Variants in PRDM12 observed in about 807,000 individuals in gnomAD.
PRDM12 encodes the protein PR domain zinc finger protein 12.
In PRDM12, 17 loss-of-function variants were observed where a neutral mutation model predicts 29.6. That is an observed-to-expected ratio of 0.57 (90% CI 0.39 to 0.86). The LOEUF (loss-of-function observed/expected upper bound fraction) is 0.86, where lower values mean the gene tolerates loss of function less well. Among genes scored for constraint, PRDM12 ranks in the 40% least tolerant of loss-of-function variants. PRDM12 has a pLI of 0.00. For synonymous variants in PRDM12, 231 were observed against 225.8 expected (o/e 1.02, Z -0.21); for missense variants, 422 against 510.8 (o/e 0.83, Z 1.68).
At chr9:130,678,226 T>C (rs1366533964) in intron 3 of PRDM12, among the ~76,000 whole-genome samples, 1 of 151,768 alleles carries the variant, frequency 6.6e-6, no homozygotes, top group Non-Finnish European at 1.5e-5. Flanking sequence ...GTTTTCCATC[T>C]CCCATTACTT....
rs1342875443 is a variant in PRDM12 at position 130,680,657 on chromosome 9, ATATTT to A, written c.683-589_683-585del. On this transcript the variant is annotated intron_variant, in intron 4 of 4. Transcript: ENST00000253008. ...AAAATATATATATATATATATATATATATTTTTTTTTTTTTTAACTGATCCTTACC... is the reference window on the plus strand; with the variant it reads ...AAAATATATATATATATATATATATATTTTTTTTTTTAACTGATCCTTACC... Among the ~76,000 whole-genome samples the A allele has an allele frequency of 1.8e-4, 16 of 87,498 alleles. No individual in the cohort carries two copies. In the South Asian group the frequency reaches 3.7e-3, roughly 20 times the overall value. 57.4% of individuals were successfully genotyped at this position (87,498 alleles called of 152,430 possible). A position where few individuals can be genotyped will look rare whatever the true frequency, so the allele number is the denominator to read the frequency against.
intron 4 of PRDM12, among the ~76,000 whole-genome samples, chr9:130,679,018 G>A (rs541985372): frequency 3.6e-4 from 55 of 152,314 alleles, no homozygotes; most frequent in Non-Finnish European, 4.9e-4. Context: ...TTCCTCACCT[G>A]TAAAGGGAAG....
chr9:130,680,660 T>A (rs1588189545), intron 4 of PRDM12, among the ~76,000 whole-genome samples: 1 of 49,404 alleles, frequency 2.0e-5, no homozygotes, highest in South Asian at 6.2e-4. Context: ...TATATATATA[T>A]TTTTTTTTTT....
At chr9:130,666,150 G>C (rs1003424958) in intron 1 of PRDM12, among the ~76,000 whole-genome samples, 100 of 152,216 alleles carry the variant, frequency 6.6e-4, no homozygotes, top group Non-Finnish European at 2.9e-4. Context: ...CCAGTGCCCA[G>C]AGCCTGGACA....
chr9:130,680,494 G>T (rs1253748151), intron 4 of PRDM12, among the ~76,000 whole-genome samples: 1 of 150,580 alleles, frequency 6.6e-6, no homozygotes, highest in South Asian at 2.1e-4. Flanking sequence ...TTAGCTGGGC[G>T]TGGTGGTGCA....
At chr9:130,667,816 G>A (rs1243884060) in intron 2 of PRDM12, among the ~76,000 whole-genome samples, 1 of 152,194 alleles carries the variant, frequency 6.6e-6, no homozygotes, top group African/African-American at 2.4e-5. Flanking sequence ...GCCATGGGGA[G>A]CACCTCTGCA....
chr9:130,668,611 C>G lies in PRDM12; in HGVS notation c.570+298C>G, dbSNP rs1054378484. On this transcript the variant is annotated intron_variant, in intron 3 of 4. Coordinates refer to ENST00000253008, the MANE Select transcript of PRDM12 (RefSeq NM_021619.3). The surrounding 1 kb of genome is among the most constrained non-coding windows in gnomAD (Gnocchi z 4.0). ...CCATAGTGAGGTCCCCAGATGTTGG[C>G]TGACAGTTTCCTGAGGTTCAGGGGT... Among the ~76,000 whole-genome samples the G allele has an allele frequency of 2.0e-5, 3 of 152,200 alleles. No individual in the cohort carries two copies. Among genetic ancestry groups the G allele is most frequent in the Non-Finnish European group, 2.9e-5 (2 of 68,036 alleles).
At position 130,664,869 on chromosome 9, in the gene PRDM12, C is replaced by T. The variant is rs1328487482; in HGVS notation, c.216C>T (p.Phe72=). ...AFTAEVLAQS[F]SGEVQKLSSL... ...CCGCCGAGGTGCTGGCGCAGTCCTT[C>T]TCCGGCGGTGAGTCCAGCCGTCGGA... The change falls in exon 1 of 5, where the codon TTC becomes TTT. Residue 72 remains phenylalanine, a synonymous_variant. Coordinates refer to ENST00000253008, the MANE Select transcript of PRDM12 (RefSeq NM_021619.3). This position sits in a 1 kb window ranked among gnomAD's most constrained non-coding sequence, Gnocchi z 6.4. 5.9e-6 allele frequency: 9 copies of T among 1,538,360 alleles called. No individual in the cohort carries two copies. The highest frequency in any genetic ancestry group is 7.9e-6 in the Non-Finnish European group (9 of 1,141,756).
Position 130,666,601 on chromosome 9 carries a change from G to T in PRDM12, c.224-7G>T, listed in dbSNP as rs747593078. 11 of 1,596,292 alleles carry T rather than the reference G, an allele frequency of 6.9e-6. No individual in the cohort carries two copies. The Admixed American group carries it at 1.0e-4, about 15-fold the overall frequency. The stretch of plus-strand genomic sequence containing the variant: ...TCTGACCGGTTTTCCTGGCCCCGCC[G>T]CCGCAGAAGTGCAGAAGCTGTCCAG... On this transcript the variant is annotated splice_polypyrimidine_tract_variant and splice_region_variant and intron_variant, in intron 1 of 4. Transcript: ENST00000253008.
intron 4 of PRDM12, among the ~76,000 whole-genome samples, chr9:130,679,492 C>G (rs898708165): frequency 1.3e-5 from 2 of 151,868 alleles, no homozygotes; most frequent in African/African-American, 4.8e-5. Context: ...GCCACCATGC[C>G]CAGCTAATCT....
At chr9:130,666,925 G>GC in intron 2 of PRDM12, 127 bp downstream of exon 2, 3 of 1,267,060 alleles carry the variant, frequency 2.4e-6, no homozygotes, top group South Asian at 1.6e-5. Flanking sequence ...TGGCCTGGAC[G>GC]CCCCCTGAGC....
chr9:130,669,884 G>C (rs1830772440), intron 3 of PRDM12, among the ~76,000 whole-genome samples: 1 of 151,074 alleles, frequency 6.6e-6, no homozygotes, highest in Non-Finnish European at 1.5e-5. Context: ...GGGTGAGGCT[G>C]AGCCAGGAAG....
At chr9:130,679,440 C>A (rs572135678) in intron 4 of PRDM12, among the ~76,000 whole-genome samples, 7 of 143,688 alleles carry the variant, frequency 4.9e-5, no homozygotes, top group African/African-American at 1.6e-4. Flanking sequence ...TCAAGCAATT[C>A]TTCTGCCTCA....
intron 2 of PRDM12, 80 bp downstream of exon 2, chr9:130,666,878 C>T (rs113392539): frequency 1.3e-5 from 20 of 1,491,730 alleles, no homozygotes; most frequent in Middle Eastern, 1.9e-4. Flanking sequence ...GTCCGGCCGT[C>T]GCCGCTTCCA....
Position 130,664,653 on chromosome 9 carries a change from C to G in PRDM12, c.-1C>G. On this transcript the variant is annotated 5_prime_UTR_variant, in exon 1 of 5. Coordinates refer to ENST00000253008, the MANE Select transcript of PRDM12 (RefSeq NM_021619.3). The surrounding 1 kb of genome is among the most constrained non-coding windows in gnomAD (Gnocchi z 6.4). ...CGGCGCCGGGGAGCTCCGGGCCGCC[C>G]ATGATGGGCTCCGTGCTCCCGGCTG... 1 of 1,582,726 alleles carries G rather than the reference C, an allele frequency of 6.3e-7. No individual in the cohort carries two copies. The highest frequency in any genetic ancestry group is 1.1e-5 in the South Asian group (1 of 88,100).
At chr9:130,665,874 C>A (rs982348735) in intron 1 of PRDM12, among the ~76,000 whole-genome samples, 11 of 152,196 alleles carry the variant, frequency 7.2e-5, no homozygotes, top group African/African-American at 2.4e-4. Context: ...CCAGCCCTGC[C>A]GCAGATGCCC....
At chr9:130,669,118 G>A (rs1428404127) in intron 3 of PRDM12, among the ~76,000 whole-genome samples, 1 of 152,094 alleles carries the variant, frequency 6.6e-6, no homozygotes, top group African/African-American at 2.4e-5. Context: ...ACAAGGTCAG[G>A]AGATCGAGAC....
chr9:130,668,141 G>C lies in PRDM12; in HGVS notation c.415-17G>C. 6.2e-7 allele frequency: 1 copy of C among 1,613,772 alleles called. No individual in the cohort carries two copies. Among genetic ancestry groups the C allele is most frequent in the African/African-American group, 1.3e-5 (1 of 75,048 alleles). On this transcript the variant is annotated splice_polypyrimidine_tract_variant and intron_variant, in intron 2 of 4. Transcript: ENST00000253008. The surrounding 1 kb of genome is among the most constrained non-coding windows in gnomAD (Gnocchi z 4.0). ...CATAGCCCTGCCTTACCTGGTCCTT[G>C]ATCCATCTGTGCCCAGGTGTTCAAT...
chr9:130,665,343 G>C (rs893383528), intron 1 of PRDM12, among the ~76,000 whole-genome samples: 2 of 152,174 alleles, frequency 1.3e-5, no homozygotes, highest in Non-Finnish European at 2.9e-5. Context: ...GGGAGAAAAA[G>C]CCGCGGGGAG....
Sources: allele counts gnomAD v4.1 joint callset (sites outside exome capture counted in the v4.1 genomes callset), GRCh38; gene constraint gnomAD v4.1.1; non-coding constraint Gnocchi (gnomAD v3.1); transcripts MANE v1.5; gene names NCBI Gene and HGNC (gene_info 2026-07-23, HGNC 2026-07-21).